Variants in LPP observed in about 807,000 individuals in gnomAD.
LPP encodes lipoma-preferred partner.
LPP carries 38 observed loss-of-function variants against 60.4 expected under a neutral mutation model. The observed-to-expected ratio is 0.63, with a 90% CI of 0.49 to 0.83. LPP has a LOEUF of 0.83. LPP is among the 40% of genes least tolerant of loss of function. The pLI is 0.00. For missense variants in LPP, 902 were observed against 783.6 expected, an observed-to-expected ratio of 1.15 and a Z score of -1.80; for synonymous variants, 328 against 290.8, an observed-to-expected ratio of 1.13 and a Z score of -1.30.
chr3:188,274,901 C>G (rs1739121818), intron 2 of LPP, among the ~76,000 whole-genome samples: 1 of 152,178 alleles, frequency 6.6e-6, no homozygotes, highest in Non-Finnish European at 1.5e-5. Flanking sequence ...AGTTTCTGAA[C>G]TATCTAGGAA....
At chr3:188,248,494 A>ATATG (rs1553833647) in intron 2 of LPP, among the ~76,000 whole-genome samples, 4 of 139,838 alleles carry the variant, frequency 2.9e-5, no homozygotes, top group Non-Finnish European at 6.1e-5. Flanking sequence ...ATATATATAT[A>ATATG]TATACAGTCA....
At chr3:188,745,311 T>G (rs1002670270) in intron 8 of LPP, among the ~76,000 whole-genome samples, 2 of 152,306 alleles carry the variant, frequency 1.3e-5, no homozygotes, top group Middle Eastern at 3.4e-3. Context: ...ATTTTAATGT[T>G]TATGCCCTAC....
At chr3:188,708,032 A>G (rs1865830421) in intron 7 of LPP, among the ~76,000 whole-genome samples, 1 of 152,230 alleles carries the variant, frequency 6.6e-6, no homozygotes, top group East Asian at 1.9e-4. Flanking sequence ...TTCCTATTGT[A>G]AACATGGATT....
At position 188,886,696 on chromosome 3, in the gene LPP, T is replaced by C; in HGVS notation, c.*12217T>C. 4.6e-6 allele frequency: 1 copy of C among 219,714 alleles called. No homozygotes were observed. Among genetic ancestry groups the C allele is most frequent in the South Asian group, 1.9e-4 (1 of 5,248 alleles). 13.6% of individuals were successfully genotyped at this position (219,714 alleles called of 1,614,324 possible). ...TAATATGTTCTCCCATATTTAGGGA[T>C]CATACAATTGTATTGTCTTCAAAAC... On this transcript the variant is annotated 3_prime_UTR_variant, in exon 12 of 12. Coordinates refer to ENST00000617246, the MANE Select transcript of LPP (RefSeq NM_001375462.1).
At chr3:188,636,595 T>G (rs1297907374) in intron 7 of LPP, among the ~76,000 whole-genome samples, 1 of 152,190 alleles carries the variant, frequency 6.6e-6, no homozygotes, top group East Asian at 1.9e-4. Context: ...GCTCCAGCTC[T>G]GGGGGCCCAG....
At chr3:188,494,581 T>G (rs1809387606) in intron 5 of LPP, among the ~76,000 whole-genome samples, 1 of 152,138 alleles carries the variant, frequency 6.6e-6, no homozygotes, top group Non-Finnish European at 1.5e-5. Flanking sequence ...GTTCCTGGTG[T>G]CCTGCTCAGG....
intron 7 of LPP, among the ~76,000 whole-genome samples, chr3:188,656,444 G>T (rs905060703): frequency 5.3e-5 from 8 of 152,254 alleles, no homozygotes; most frequent in South Asian, 4.1e-4. Context: ...CCAAATCAAA[G>T]AACAGATTGT....
chr3:188,687,469 T>C (rs1174719538), intron 7 of LPP, among the ~76,000 whole-genome samples: 2 of 152,116 alleles, frequency 1.3e-5, no homozygotes, highest in Admixed American at 6.5e-5. Flanking sequence ...GGAGTTCTTA[T>C]GAGATCTGAG....
chr3:188,313,996 C>G (rs1439672165), intron 2 of LPP, among the ~76,000 whole-genome samples: 1 of 152,096 alleles, frequency 6.6e-6, no homozygotes, highest in Non-Finnish European at 1.5e-5. Flanking sequence ...ACTGAATTGT[C>G]TCATTATTTG....
intron 9 of LPP, among the ~76,000 whole-genome samples, chr3:188,863,508 G>A (rs1416526791): frequency 1.3e-5 from 2 of 152,108 alleles, no homozygotes; most frequent in Non-Finnish European, 2.9e-5. Flanking sequence ...TCTGGACTAA[G>A]GGAACTCCCA....
At position 188,874,558 on chromosome 3, in the gene LPP, A is replaced by G. The variant is rs1373528599; in HGVS notation, c.*79A>G. 6.7e-7 allele frequency: 1 copy of G among 1,489,202 alleles called. No homozygotes were observed. Among genetic ancestry groups the G allele is most frequent in the Admixed American group, 1.8e-5 (1 of 55,852 alleles). 92.2% of individuals were successfully genotyped at this position (1,489,202 alleles called of 1,614,324 possible). ...AGAAATACTAGAGTAAAGGCCATCA[A>G]ACTACGCGATAGTCTCTGTTCTTCA... On this transcript the variant is annotated 3_prime_UTR_variant, in exon 12 of 12. Transcript: ENST00000617246.
Position 188,881,158 on chromosome 3 carries a change from A to AAAAAAAAAAAAAAAAAAAAAAAAC in LPP, c.*6679_*6680insAAAAAAAAAAAAAAAAAAAAAAAC. ...CCGTCTCAAAAAAAAAAAAAAAAAA[A>AAAAAAAAAAAAAAAAAAAAAAAAC]TAGGATCATGGCCCTTTTAAAGATC... On this transcript the variant is annotated 3_prime_UTR_variant, in exon 12 of 12. Coordinates refer to ENST00000617246, the MANE Select transcript of LPP (RefSeq NM_001375462.1). 1 of 161,172 alleles carries AAAAAAAAAAAAAAAAAAAAAAAAC rather than the reference A, an allele frequency of 6.2e-6. No individual in the cohort carries two copies. The highest frequency in any genetic ancestry group is 1.3e-5 in the Non-Finnish European group (1 of 74,888). 10.0% of individuals were successfully genotyped at this position (161,172 alleles called of 1,614,324 possible). A position where few individuals can be genotyped will look rare whatever the true frequency, so the allele number is the denominator to read the frequency against.
At chr3:188,613,344 T>C (rs993605449) in intron 7 of LPP, among the ~76,000 whole-genome samples, 1 of 121,528 alleles carries the variant, frequency 8.2e-6, no homozygotes, top group Non-Finnish European at 2.0e-5. Flanking sequence ...AGCCACGTTT[T>C]CTCCAGTATT....
At chr3:188,370,472 G>A (rs911393535) in intron 3 of LPP, among the ~76,000 whole-genome samples, 6 of 152,078 alleles carry the variant, frequency 3.9e-5, no homozygotes, top group Admixed American at 3.9e-4. Flanking sequence ...GATTATCATT[G>A]AGCCTTTTAG....
At position 188,685,346 on chromosome 3, in the gene LPP, C is replaced by T. The variant is rs144684790; in HGVS notation, c.1114-22921C>T. Among the ~76,000 whole-genome samples, 24 of 151,852 alleles carry T rather than the reference C, an allele frequency of 1.6e-4. No homozygotes were observed. In the East Asian group the frequency reaches 4.7e-3, roughly 29 times the overall value. On this transcript the variant is annotated intron_variant, in intron 7 of 11. Transcript: ENST00000617246. ...ATGGCTGGCTGTTGGTGTTCACAGC[C>T]GTGAGCATAGTGTGGTCCACAGCCT...
At chr3:188,777,875 G>C (rs923072644) in intron 9 of LPP, among the ~76,000 whole-genome samples, 1 of 152,120 alleles carries the variant, frequency 6.6e-6, no homozygotes, top group Non-Finnish European at 1.5e-5. Context: ...TTTAGTGAGA[G>C]AGTTTCTAAA....
intron 5 of LPP, among the ~76,000 whole-genome samples, chr3:188,514,089 T>G (rs1191202780): frequency 6.6e-6 from 1 of 152,188 alleles, no homozygotes; most frequent in African/African-American, 2.4e-5. Flanking sequence ...TAGGGCTGAT[T>G]GTGTGAAACA....
intron 6 of LPP, among the ~76,000 whole-genome samples, chr3:188,608,613 G>A (rs1219291640): frequency 4.6e-5 from 7 of 152,184 alleles, no homozygotes; most frequent in East Asian, 1.9e-4. Flanking sequence ...TAATGCCTCC[G>A]GCTTTGTTCT....
intron 4 of LPP, among the ~76,000 whole-genome samples, chr3:188,426,018 T>C (rs1326381407): frequency 6.6e-6 from 1 of 152,206 alleles, no homozygotes; most frequent in Non-Finnish European, 1.5e-5. Context: ...TGCTCTTGCT[T>C]CTCTAGTTCT....
Sources: allele counts gnomAD v4.1 joint callset (sites outside exome capture counted in the v4.1 genomes callset), GRCh38; gene constraint gnomAD v4.1.1; transcripts MANE v1.5; gene names NCBI Gene and HGNC (gene_info 2026-07-23, HGNC 2026-07-21).